XYLB: variants seen among roughly 807,000 people sequenced by gnomAD.
XYLB encodes the protein xylulose kinase.
A neutral mutation model predicts 78.7 loss-of-function variants in XYLB; 62 were observed. The ratio of observed to expected loss-of-function variants is 0.79; its 90% CI spans 0.64 to 0.97. XYLB has a LOEUF of 0.97. Ranked by LOEUF, XYLB falls within the 50% of genes least tolerant of loss-of-function variation. The pLI, the probability that XYLB is intolerant of heterozygous loss-of-function variation, is 0.00. For synonymous variants in XYLB, 245 were observed against 247.4 expected (o/e 0.99, Z 0.09); for missense variants, 687 against 676.8 (o/e 1.02, Z -0.17).
intron 15 of XYLB, among the ~76,000 whole-genome samples, chr3:38,388,320 C>T (rs1050180824): frequency 6.6e-6 from 1 of 151,710 alleles, no homozygotes; most frequent in East Asian, 1.9e-4. Context: ...TATTGTACAA[C>T]ATGGTGATGA....
chr3:38,422,669 G>C (rs541704118), downstream of XYLB, among the ~76,000 whole-genome samples: 2 of 152,068 alleles, frequency 1.3e-5, no homozygotes. Context: ...TGTAACTTCT[G>C]TACCTATAAA....
intron 15 of XYLB, among the ~76,000 whole-genome samples, chr3:38,387,745 C>T (rs957014393): frequency 5.3e-4 from 80 of 152,316 alleles, no homozygotes; most frequent in African/African-American, 1.9e-3. Flanking sequence ...TTAAGTCCAT[C>T]TAACAAATTC....
At chr3:38,442,720 ATTTTT>A in the XYLB span, among the ~76,000 whole-genome samples, 11 of 99,196 alleles carry the variant, frequency 1.1e-4, no homozygotes, top group South Asian at 7.0e-4. Flanking sequence ...GGACTGCTGC[ATTTTT>A]TTTTTTTTTT....
chr3:38,354,932 T>G (rs187585889), intron 2 of XYLB, among the ~76,000 whole-genome samples: 38 of 152,394 alleles, frequency 2.5e-4, no homozygotes, highest in African/African-American at 8.9e-4. Flanking sequence ...AGTCTTCTTT[T>G]GAATACTTCA....
chr3:38,356,593 A>G (rs546708601), intron 2 of XYLB: 4 of 152,340 alleles, frequency 2.6e-5, no homozygotes, highest in African/African-American at 4.8e-5. Flanking sequence ...AAAAATTTTC[A>G]TAGCTTTTTG....
chr3:38,376,061 TG>T, intron 12 of XYLB, 55 bp from the exon 13 acceptor site: 1 of 1,206,206 alleles, frequency 8.3e-7, no homozygotes, highest in Non-Finnish European at 1.2e-6. Flanking sequence ...CTGAAACTCA[TG>T]GGTCCAGTCA....
rs1276241253 is a variant in XYLB, at chr3:38,366,946, C to G, written c.573+73C>G. 16 of 1,047,234 alleles carry G rather than the reference C, an allele frequency of 1.5e-5. No individual in the cohort carries two copies. In the East Asian group the frequency reaches 3.8e-4, roughly 25 times the overall value. 64.9% of individuals were successfully genotyped at this position (1,047,234 alleles called of 1,614,324 possible). On this transcript the variant is annotated intron_variant, in intron 7 of 18. Transcript: ENST00000207870. Reference sequence around the variant, plus strand: ...TCATAATATGTTAGAATAGATACATCTTACGTGCAGTGACTGAAAACATTG... The same window carrying G: ...TCATAATATGTTAGAATAGATACATGTTACGTGCAGTGACTGAAAACATTG...
chr3:38,415,714 A>G (rs1372499020), downstream of XYLB, among the ~76,000 whole-genome samples: 1 of 152,126 alleles, frequency 6.6e-6, no homozygotes, highest in African/African-American at 2.4e-5. Flanking sequence ...ACCCGGGGGC[A>G]GAGATTGCAG....
chr3:38,417,418 G>A (rs932312607), downstream of XYLB, among the ~76,000 whole-genome samples: 6 of 152,154 alleles, frequency 3.9e-5, no homozygotes, highest in African/African-American at 1.4e-4. Flanking sequence ...AAAAATAATT[G>A]TGAGTGAGGC....
the XYLB span, among the ~76,000 whole-genome samples, chr3:38,443,538 G>T: frequency 6.6e-6 from 1 of 152,126 alleles, no homozygotes; most frequent in Admixed American, 6.5e-5. Context: ...TTTGTCTGAG[G>T]GCCATGACTA....
intron 2 of XYLB, among the ~76,000 whole-genome samples, chr3:38,353,011 G>A (rs977039679): frequency 6.6e-6 from 1 of 152,120 alleles, no homozygotes; most frequent in Admixed American, 6.5e-5. Context: ...GATTACAGGC[G>A]TGAGCCACCA....
At chr3:38,377,935 AT>A (rs1300175813) in intron 14 of XYLB, among the ~76,000 whole-genome samples, 2 of 152,240 alleles carry the variant, frequency 1.3e-5, no homozygotes, top group East Asian at 3.9e-4. Context: ...CTCGGGAAGG[AT>A]TTAGTTGGTT....
chr3:38,430,826 T>G, the XYLB span, among the ~76,000 whole-genome samples: 17 of 152,234 alleles, frequency 1.1e-4, no homozygotes, highest in Middle Eastern at 6.8e-3. Flanking sequence ...TTTCCCCATT[T>G]CTTGTTTTTC....
downstream of XYLB, among the ~76,000 whole-genome samples, chr3:38,415,183 T>C (rs182182443): frequency 1.3e-3 from 191 of 152,332 alleles, 2 homozygotes; most frequent in Middle Eastern, 0.014. Context: ...CAAAGCAAGA[T>C]AGCAATGGGG....
rs927824511 is a variant in XYLB at position 38,400,867 on chromosome 3, T to C, written c.1439-24T>C. ...CGTCTTCACTTGCAACATGCACTAATGTGAAGTGACCTTTCCCTTCTAGGT... is the reference window on the plus strand; with the variant it reads ...CGTCTTCACTTGCAACATGCACTAACGTGAAGTGACCTTTCCCTTCTAGGT... On this transcript the variant is annotated intron_variant, in intron 17 of 18. Coordinates refer to ENST00000207870, the MANE Select transcript of XYLB (RefSeq NM_005108.4). 30 of 1,604,536 alleles carry C rather than the reference T, an allele frequency of 1.9e-5. No homozygotes were observed. In the East Asian group the frequency reaches 6.7e-4, roughly 36 times the overall value.
At chr3:38,348,683 C>A in intron 2 of XYLB, 51 bp downstream of exon 2, 2 of 1,572,036 alleles carry the variant, frequency 1.3e-6, no homozygotes, top group South Asian at 1.1e-5. Context: ...GTTTTGGGGT[C>A]CTCCCGCAAA....
At chr3:38,412,077 G>A (rs545842838) in intron 18 of XYLB, among the ~76,000 whole-genome samples, 7 of 150,660 alleles carry the variant, frequency 4.6e-5, no homozygotes, top group African/African-American at 1.2e-4. Flanking sequence ...TGCAACCCCC[G>A]GCTCCCAGGT....
At chr3:38,430,836 C>G in the XYLB span, among the ~76,000 whole-genome samples, 1 of 152,260 alleles carries the variant, frequency 6.6e-6, no homozygotes, top group South Asian at 2.1e-4. Context: ...TCTTGTTTTT[C>G]TCAGGTTTGT....
intron 8 of XYLB, among the ~76,000 whole-genome samples, chr3:38,368,808 G>A (rs1000775066): frequency 2.0e-5 from 3 of 151,578 alleles, no homozygotes; most frequent in African/African-American, 7.3e-5. Context: ...ATAATGTTGG[G>A]GAGAACCTCA....
Sources: gnomAD v4.1 joint callset for allele counts (sites outside exome capture counted in the v4.1 genomes callset) on GRCh38, gnomAD v4.1.1 for gene constraint, MANE v1.5 for transcripts, NCBI Gene and HGNC (gene_info 2026-07-23, HGNC 2026-07-21) for gene names.